The following NEBL variants were observed in gnomAD, a reference collection of about 807,000 sequenced individuals.
NEBL encodes nebulette, also known as LIM and SH3 protein 2.
Under a neutral mutation model 140.2 loss-of-function variants are expected in NEBL, and 122 were observed. The observed-to-expected ratio is 0.87, with a 90% CI of 0.75 to 1.01. The LOEUF is 1.01. NEBL is among the 50% of genes least tolerant of loss of function. The pLI is 0.00. For synonymous variants in NEBL, 436 were observed against 398.9 expected (o/e 1.09, Z -1.11); for missense variants, 1,365 against 1,231.3 (o/e 1.11, Z -1.62).
At chr10:20,962,943 A>G (rs1393597838) in intron 3 of NEBL, among the ~76,000 whole-genome samples, 2 of 151,700 alleles carry the variant, frequency 1.3e-5, no homozygotes, top group African/African-American at 4.8e-5. Flanking sequence ...AATTCTATCA[A>G]GCATTATTAT....
At chr10:21,021,945 C>G (rs1838814846) in intron 2 of NEBL, among the ~76,000 whole-genome samples, 1 of 152,202 alleles carries the variant, frequency 6.6e-6, no homozygotes, top group South Asian at 2.1e-4. Context: ...TGGCTACAGT[C>G]AAACTTCAGC....
chr10:21,291,743 T>C (rs1843146400), intron 1 of NEBL, among the ~76,000 whole-genome samples: 2 of 151,632 alleles, frequency 1.3e-5, no homozygotes, highest in African/African-American at 4.8e-5. Flanking sequence ...TGAAACCCTG[T>C]CTCTACTAAA....
rs57176129 is a variant in NEBL at position 21,044,397 on chromosome 10, T to TAAAAAAAAA, written c.165-24205_165-24197dup. On this transcript the variant is annotated intron_variant, in intron 2 of 6. Transcript: ENST00000417816. Reference sequence around the variant, plus strand: ...GGGTGACTGGGTGACAGAGTAAGAATAAAAAAAAAAAAAAAAAAAAAAAAA... The same window carrying TAAAAAAAAA: ...GGGTGACTGGGTGACAGAGTAAGAATAAAAAAAAAAAAAAAAAAAAAAAAAAAAAAAAAA... 3.6e-3 allele frequency among the ~76,000 whole-genome samples: 127 copies of TAAAAAAAAA among 34,846 alleles called. 21 individuals are homozygous for TAAAAAAAAA. The highest frequency in any genetic ancestry group is 4.8e-3 in the South Asian group (2 of 414). The allele number at this position is 34,846 out of a possible 152,430, so 22.9% of individuals were successfully genotyped here.
Position 20,925,580 on chromosome 10 carries a change from A to T in NEBL, c.357+36092T>A, listed in dbSNP as rs1833869967. 2.0e-5 allele frequency among the ~76,000 whole-genome samples: 3 copies of T among 152,188 alleles called. No homozygotes were observed. The South Asian group carries it at 6.2e-4, about 32-fold the overall frequency. ...CAGAGTGGCTGGCCTGACTTACCTT[A>T]TTCTGAAAGAAAGCAATCTGATTTC... On this transcript the variant is annotated intron_variant, in intron 4 of 6. Transcript: ENST00000417816.
intron 2 of NEBL, among the ~76,000 whole-genome samples, chr10:21,139,147 T>A (rs1172961013): frequency 6.6e-6 from 1 of 152,126 alleles, no homozygotes; most frequent in Non-Finnish European, 1.5e-5. Context: ...GGCCTAGGAA[T>A]TTTTATAATC....
chr10:21,199,188 C>T lies in NEBL; in HGVS notation n.349-26711G>A, dbSNP rs1841696546. 2.6e-5 allele frequency among the ~76,000 whole-genome samples: 4 copies of T among 151,276 alleles called. No homozygotes were observed. The South Asian group carries it at 8.4e-4, about 32-fold the overall frequency. ...GACGGGTGTGAGCCACCACACCTGG[C>T]CAAATTTTAATTTTTGTGTTTTTAG... On this transcript the variant is annotated intron_variant and non_coding_transcript_variant, in intron 3 of 8. Coordinates refer to the NEBL transcript ENST00000675702.
intron 3 of NEBL, among the ~76,000 whole-genome samples, chr10:21,233,748 T>C (rs1323708660): frequency 7.4e-6 from 1 of 134,782 alleles, no homozygotes; most frequent in Non-Finnish European, 1.6e-5. Context: ...TAGATATATA[T>C]TACATATAGA....
intron 4 of NEBL, among the ~76,000 whole-genome samples, chr10:20,923,589 G>A (rs989426509): frequency 7.5e-6 from 1 of 132,774 alleles, no homozygotes; most frequent in Non-Finnish European, 1.6e-5. Flanking sequence ...TGAGTCAGGA[G>A]AATCGCTTGA....
At chr10:20,891,510 C>T (rs1450760573) in intron 2 of NEBL, among the ~76,000 whole-genome samples, 1 of 152,222 alleles carries the variant, frequency 6.6e-6, no homozygotes, top group African/African-American at 2.4e-5. Context: ...TTGCCACCAT[C>T]TATTCCCCAT....
chr10:21,207,149 T>C (rs1300999597), intron 3 of NEBL, among the ~76,000 whole-genome samples: 2 of 151,914 alleles, frequency 1.3e-5, no homozygotes, highest in African/African-American at 4.8e-5. Flanking sequence ...AATTTTTGTA[T>C]TTGTAGTAGA....
intron 7 of NEBL, chr10:20,867,745 C>A (rs533580369): frequency 6.6e-6 from 1 of 152,068 alleles, no homozygotes; most frequent in African/African-American, 2.4e-5. Context: ...CCATGACAGA[C>A]GGTGTGTTAT....
intron 2 of NEBL, among the ~76,000 whole-genome samples, chr10:21,107,461 G>A (rs1414828413): frequency 6.6e-6 from 1 of 152,124 alleles, no homozygotes; most frequent in Non-Finnish European, 1.5e-5. Flanking sequence ...TTTATGTGGT[G>A]GATTATGTTT....
intron 3 of NEBL, among the ~76,000 whole-genome samples, chr10:21,205,919 C>T (rs1841817653): frequency 6.6e-6 from 1 of 152,156 alleles, no homozygotes; most frequent in Admixed American, 6.6e-5. Flanking sequence ...AACAATTTAG[C>T]ATATAATTTC....
chr10:21,149,113 G>C (rs1840034588), intron 2 of NEBL, among the ~76,000 whole-genome samples: 1 of 152,130 alleles, frequency 6.6e-6, no homozygotes, highest in South Asian at 2.1e-4. Context: ...TTCTCCATGG[G>C]TGTCCACGCT....
rs943733154 is a variant in NEBL at position 20,781,056 on chromosome 10, A to C, written c.*4691T>G. The stretch of plus-strand genomic sequence containing the variant: ...TAACTGCGACATCCACTAAAATGTG[A>C]ACTAGTTTGCATAGGTTAGTCCTTT... On this transcript the variant is annotated 3_prime_UTR_variant, in exon 28 of 28. Coordinates refer to ENST00000377122, the MANE Select transcript of NEBL (RefSeq NM_006393.3). 6.6e-6 allele frequency: 1 copy of C among 152,542 alleles called. No individual in the cohort carries two copies. Among genetic ancestry groups the C allele is most frequent in the East Asian group, 1.9e-4 (1 of 5,202 alleles). The allele number at this position is 152,542 out of a possible 1,614,324, so 9.4% of individuals were successfully genotyped here.
intron 2 of NEBL, among the ~76,000 whole-genome samples, chr10:21,080,433 T>G (rs1279654935): frequency 6.6e-6 from 1 of 152,240 alleles, no homozygotes; most frequent in Non-Finnish European, 1.5e-5. Flanking sequence ...GGACTAACTC[T>G]GGCATATAAG....
chr10:21,088,554 G>A (rs753912385), intron 2 of NEBL, among the ~76,000 whole-genome samples: 44 of 152,264 alleles, frequency 2.9e-4, no homozygotes, highest in Non-Finnish European at 5.6e-4. Flanking sequence ...AATGGCCAAA[G>A]CATGTCCTAT....
At chr10:20,923,651 A>C (rs1402765540) in intron 4 of NEBL, among the ~76,000 whole-genome samples, 1 of 117,494 alleles carries the variant, frequency 8.5e-6, no homozygotes, top group Non-Finnish European at 1.7e-5. Flanking sequence ...TGCACTCCAG[A>C]GCAAGACTCC....
At chr10:20,934,014 AAT>A (rs1160477837) in intron 4 of NEBL, among the ~76,000 whole-genome samples, 1 of 152,170 alleles carries the variant, frequency 6.6e-6, no homozygotes, top group Non-Finnish European at 1.5e-5. Flanking sequence ...TTGATTTTAA[AAT>A]ATGTTTTCAT....
Sources: allele counts gnomAD v4.1 joint callset (sites outside exome capture counted in the v4.1 genomes callset), GRCh38; gene constraint gnomAD v4.1.1; transcripts MANE v1.5; gene names NCBI Gene and HGNC (gene_info 2026-07-23, HGNC 2026-07-21).